RBFOX1: variants seen among roughly 807,000 people sequenced by gnomAD.
The protein encoded by RBFOX1 is RNA binding protein fox-1 homolog 1.
RBFOX1 carries 8 observed loss-of-function variants against 57.7 expected under a neutral mutation model. That is an observed-to-expected ratio of 0.14 (90% CI 0.08 to 0.25). The LOEUF (loss-of-function observed/expected upper bound fraction) is 0.25. RBFOX1 is among the 10% of genes least tolerant of loss of function. RBFOX1 has a pLI of 1.00. For synonymous variants in RBFOX1, 326 were observed against 222.4 expected (o/e 1.47, Z -4.15); for missense variants, 611 against 548.5 (o/e 1.11, Z -1.14).
intron 1 of RBFOX1, among the ~76,000 whole-genome samples, chr16:5,373,041 C>T (rs1445339318): frequency 6.6e-6 from 1 of 152,196 alleles, no homozygotes; most frequent in Admixed American, 6.5e-5. Context: ...GCTTTCACAT[C>T]TTGATATCAC....
intron 3 of RBFOX1, among the ~76,000 whole-genome samples, chr16:5,805,890 A>G (rs1032829769): frequency 6.6e-6 from 1 of 152,190 alleles, no homozygotes; most frequent in Admixed American, 6.5e-5. Context: ...GTTTCAGGGC[A>G]CAGAATAGAG....
intron 1 of RBFOX1, among the ~76,000 whole-genome samples, chr16:5,297,533 A>T (rs1430456828): frequency 1.3e-5 from 2 of 152,030 alleles, no homozygotes; most frequent in African/African-American, 2.4e-5. Context: ...GGTCATTTGT[A>T]TGTCTTCTTT....
chr16:5,370,018 C>T (rs2065818000), intron 1 of RBFOX1, among the ~76,000 whole-genome samples: 1 of 152,164 alleles, frequency 6.6e-6, no homozygotes, highest in South Asian at 2.1e-4. Flanking sequence ...CTCCTCTGAG[C>T]TTCCTTGTCT....
At chr16:6,612,696 A>G (rs1192047193) in intron 2 of RBFOX1, among the ~76,000 whole-genome samples, 3 of 151,818 alleles carry the variant, frequency 2.0e-5, no homozygotes, top group African/African-American at 4.8e-5. Flanking sequence ...TACTAAAAAT[A>G]CAAAAATTAG....
intron 4 of RBFOX1, among the ~76,000 whole-genome samples, chr16:7,079,611 G>A (rs925489850): frequency 5.3e-5 from 8 of 152,164 alleles, no homozygotes; most frequent in African/African-American, 1.4e-4. Flanking sequence ...TATTGAATAA[G>A]TACCTCATAA....
chr16:7,219,293 T>C (rs1232152693), intron 4 of RBFOX1, among the ~76,000 whole-genome samples: 1 of 152,226 alleles, frequency 6.6e-6, no homozygotes, highest in Admixed American at 6.5e-5. Context: ...AGTTAAGGAC[T>C]GTAAGACACA....
At chr16:7,252,569 T>A (rs2094533970) in intron 4 of RBFOX1, among the ~76,000 whole-genome samples, 1 of 152,242 alleles carries the variant, frequency 6.6e-6, no homozygotes, top group African/African-American at 2.4e-5. Context: ...TCATCCAATA[T>A]AACAGCAATC....
chr16:7,696,015 G>C (rs2078699088), intron 14 of RBFOX1, among the ~76,000 whole-genome samples: 1 of 152,138 alleles, frequency 6.6e-6, no homozygotes, highest in Non-Finnish European at 1.5e-5. Flanking sequence ...CAGCATTTCA[G>C]GATTTGTTCT....
At chr16:6,604,737 ACAATT>A (rs1404086026) in intron 2 of RBFOX1, among the ~76,000 whole-genome samples, 1 of 152,202 alleles carries the variant, frequency 6.6e-6, no homozygotes, top group Non-Finnish European at 1.5e-5. Flanking sequence ...ATAACATTCT[ACAATT>A]CAATAGGAAT....
At chr16:7,285,382 G>A (rs911455423) in intron 4 of RBFOX1, among the ~76,000 whole-genome samples, 2 of 149,536 alleles carry the variant, frequency 1.3e-5, no homozygotes, top group Admixed American at 6.6e-5. Context: ...CATTAATTGT[G>A]TGTGTGTGTG....
intron 4 of RBFOX1, among the ~76,000 whole-genome samples, chr16:7,316,345 A>C (rs2096438604): frequency 1.3e-5 from 2 of 152,360 alleles, no homozygotes; most frequent in African/African-American, 4.8e-5. Flanking sequence ...TCTTCCTAAC[A>C]TTGCATGATC....
intron 2 of RBFOX1, among the ~76,000 whole-genome samples, chr16:6,613,190 T>C (rs2098092072): frequency 6.6e-6 from 1 of 152,164 alleles, no homozygotes; most frequent in Admixed American, 6.5e-5. Flanking sequence ...AGGCAGCCAT[T>C]AGCATCAGCT....
chr16:5,835,056 G>C (rs2056415847), intron 3 of RBFOX1, among the ~76,000 whole-genome samples: 1 of 152,174 alleles, frequency 6.6e-6, no homozygotes, highest in African/African-American at 2.4e-5. Flanking sequence ...TGGTGCAGAT[G>C]AATCCTGCTT....
intron 5 of RBFOX1, among the ~76,000 whole-genome samples, chr16:7,569,580 T>G (rs990854351): frequency 2.0e-5 from 3 of 152,200 alleles, no homozygotes; most frequent in African/African-American, 4.8e-5. Context: ...TTAGCAACCT[T>G]AATTCTCCAT....
At chr16:6,657,413 G>T (rs2098666873) in intron 3 of RBFOX1, among the ~76,000 whole-genome samples, 1 of 151,952 alleles carries the variant, frequency 6.6e-6, no homozygotes, top group Admixed American at 6.6e-5. Flanking sequence ...CTGAGGGACG[G>T]CGTGCCCCTC....
chr16:7,655,056 G>T (rs952564467), intron 12 of RBFOX1, among the ~76,000 whole-genome samples: 7 of 152,098 alleles, frequency 4.6e-5, no homozygotes, highest in African/African-American at 1.7e-4. Flanking sequence ...GTGTGAAAAG[G>T]GTTAAATGCC....
rs1029801430 is a variant in RBFOX1 at position 6,587,704 on chromosome 16, T to C, written c.-63-66899T>C. On this transcript the variant is annotated intron_variant, in intron 2 of 15. Coordinates refer to ENST00000550418, the MANE Select transcript of RBFOX1 (RefSeq NM_018723.4). ...TAGTGTAAAAAACAGAGAGATGATT[T>C]TTCAAAGAAAGAACTCTCCTCAACC... Among the ~76,000 whole-genome samples the C allele has an allele frequency of 4.6e-5, 7 of 152,274 alleles. No individual in the cohort carries two copies. The East Asian group carries it at 1.4e-3, about 29-fold the overall frequency.
chr16:5,526,273 G>A (rs192279850), intron 2 of RBFOX1, among the ~76,000 whole-genome samples: 37 of 142,502 alleles, frequency 2.6e-4, no homozygotes, highest in African/African-American at 9.4e-4. Context: ...AACAGAAACT[G>A]TTTCCACTCC....
intron 13 of RBFOX1, among the ~76,000 whole-genome samples, chr16:7,672,317 C>G (rs1391826004): frequency 3.3e-5 from 5 of 152,186 alleles, no homozygotes; most frequent in East Asian, 3.9e-4. Flanking sequence ...GAATGTCAAA[C>G]TGAGGATGAT....
Sources: allele counts gnomAD v4.1 joint callset (sites outside exome capture counted in the v4.1 genomes callset), GRCh38; gene constraint gnomAD v4.1.1; transcripts MANE v1.5; gene names NCBI Gene and HGNC (gene_info 2026-07-23, HGNC 2026-07-21).